The following ATP8A1 variants were observed in gnomAD, a reference collection of about 807,000 sequenced individuals.
ATP8A1 encodes the protein phospholipid-transporting ATPase IA.
ATP8A1 carries 90 observed loss-of-function variants against 177.7 expected under a neutral mutation model. The ratio of observed to expected loss-of-function variants is 0.51; its 90% CI spans 0.43 to 0.60. ATP8A1 has a LOEUF of 0.60. Among genes scored for constraint, ATP8A1 ranks in the 20% least tolerant of loss-of-function variants. The pLI, the probability that ATP8A1 is intolerant of heterozygous loss-of-function variation, is 0.00. For missense variants in ATP8A1, 1,072 were observed against 1,392.8 expected, an observed-to-expected ratio of 0.77 and a Z score of 3.67; for synonymous variants, 493 against 485.9, an observed-to-expected ratio of 1.01 and a Z score of -0.19.
At chr4:42,446,524 T>C in intron 31 of ATP8A1, 59 bp downstream of exon 31, 1 of 1,517,824 alleles carries the variant, frequency 6.6e-7, no homozygotes, top group Non-Finnish European at 9.1e-7. Flanking sequence ...AAAAATAAAA[T>C]GAGGACAGAT....
At chr4:42,550,886 AT>A (rs1326486318) in intron 18 of ATP8A1, among the ~76,000 whole-genome samples, 1 of 152,228 alleles carries the variant, frequency 6.6e-6, no homozygotes, top group Non-Finnish European at 1.5e-5. Context: ...AAAAATTGGA[AT>A]AAAATCATAA....
intron 3 of ATP8A1, 93 bp from the exon 4 acceptor site, chr4:42,624,727 G>T: frequency 1.7e-6 from 1 of 589,902 alleles, no homozygotes; most frequent in Non-Finnish European, 2.8e-6. Flanking sequence ...TCTAAAATAT[G>T]CCTCACTGAT....
At chr4:42,468,972 T>A (rs75279005) in intron 25 of ATP8A1, among the ~76,000 whole-genome samples, 1 of 152,032 alleles carries the variant, frequency 6.6e-6, no homozygotes. Flanking sequence ...CAAACTGTGA[T>A]GCAGGTCAAA....
Position 42,590,828 on chromosome 4 carries a change from G to C in ATP8A1, c.507C>G (p.Leu169=). Residue 169 remains leucine, a synonymous_variant, in exon 7 of 37, where the codon CTC becomes CTG. Coordinates refer to ENST00000381668, the MANE Select transcript of ATP8A1 (RefSeq NM_006095.2). ...VTNGEHLPAD[L]ISLSSSEPQA... is the part of the protein sequence containing the mutation. ...GTTCTAACCTTGAGGACAGACTGAT[G>C]AGATCTGCTGGGAGATGTTCCCCAT... The C allele has an allele frequency of 6.2e-7, 1 of 1,613,548 alleles. No homozygotes were observed. Among genetic ancestry groups the C allele is most frequent in the Non-Finnish European group, 8.5e-7 (1 of 1,179,874 alleles).
intron 27 of ATP8A1, among the ~76,000 whole-genome samples, chr4:42,464,021 C>T (rs926248571): frequency 6.6e-6 from 1 of 152,074 alleles, no homozygotes; most frequent in African/African-American, 2.4e-5. Flanking sequence ...CATTCCCTCA[C>T]CTTTTTTAAA....
At chr4:42,638,364 A>G (rs1334423357) in intron 1 of ATP8A1, among the ~76,000 whole-genome samples, 4 of 152,224 alleles carry the variant, frequency 2.6e-5, no homozygotes, top group Non-Finnish European at 5.9e-5. Flanking sequence ...CTAAATTGCG[A>G]CAAGCCCCTG....
At chr4:42,600,206 T>C (rs1485228538) in intron 6 of ATP8A1, among the ~76,000 whole-genome samples, 1 of 152,126 alleles carries the variant, frequency 6.6e-6, no homozygotes, top group East Asian at 1.9e-4. Context: ...CACAAAACAG[T>C]TCATGGTTAA....
rs369420258 is a variant in ATP8A1 at position 42,610,582 on chromosome 4, C to CAA, written c.409+5449_409+5450dup. On this transcript the variant is annotated intron_variant, in intron 5 of 36. Transcript: ENST00000381668. The stretch of plus-strand genomic sequence containing the variant: ...TCAATGGGTTTTGCTCCTTTGTGTG[C>CAA]AAAAAAAAAAAAAAAAGTGAAAGAC... 1.5e-3 allele frequency among the ~76,000 whole-genome samples: 194 copies of CAA among 127,686 alleles called. 2 individuals carry two copies. Among genetic ancestry groups the CAA allele is most frequent in the South Asian group, 6.9e-3 (29 of 4,196 alleles). The allele number at this position is 127,686 out of a possible 152,430, so 83.8% of individuals were successfully genotyped here. A position where few individuals can be genotyped will look rare whatever the true frequency, so the allele number is the denominator to read the frequency against.
intron 6 of ATP8A1, among the ~76,000 whole-genome samples, chr4:42,600,132 A>G (rs1560504421): frequency 3.4e-5 from 2 of 59,130 alleles, no homozygotes; most frequent in Admixed American, 2.5e-4. Flanking sequence ...GCAGAAGTAA[A>G]ACATCAGAAC....
intron 9 of ATP8A1, among the ~76,000 whole-genome samples, chr4:42,582,042 C>T (rs188395060): frequency 2.3e-4 from 35 of 152,204 alleles, no homozygotes; most frequent in African/African-American, 7.9e-4. Flanking sequence ...AATGACCCTT[C>T]GGGAGCTAAT....
chr4:42,600,393 G>T, intron 6 of ATP8A1, 85 bp downstream of exon 6: 1 of 1,041,742 alleles, frequency 9.6e-7, no homozygotes, highest in Non-Finnish European at 1.3e-6. Flanking sequence ...CTTCACATTT[G>T]CTCATATTAT....
chr4:42,644,867 G>C (rs1278109214), intron 1 of ATP8A1, among the ~76,000 whole-genome samples: 1 of 151,550 alleles, frequency 6.6e-6, no homozygotes, highest in East Asian at 1.9e-4. Flanking sequence ...AATAAATCTA[G>C]ACTGACGAAA....
intron 25 of ATP8A1, among the ~76,000 whole-genome samples, chr4:42,475,810 G>GA (rs1721001516): frequency 4.6e-5 from 7 of 152,092 alleles, no homozygotes; most frequent in Non-Finnish European, 7.4e-5. Flanking sequence ...GGCCGAGGTG[G>GA]GTAGATCACC....
chr4:42,600,328 A>T, intron 6 of ATP8A1, 150 bp downstream of exon 6: 2 of 468,664 alleles, frequency 4.3e-6, no homozygotes, highest in Non-Finnish European at 7.4e-6. Flanking sequence ...AATGAATGTG[A>T]CTGAAGATGC....
chr4:42,414,479 T>G, intron 36 of ATP8A1, 148 bp downstream of exon 36: 1 of 629,824 alleles, frequency 1.6e-6, no homozygotes, highest in Non-Finnish European at 2.7e-6. Context: ...GACCAATGGA[T>G]TTTCTGTTAT....
chr4:42,541,967 T>C (rs1410521365), intron 20 of ATP8A1, among the ~76,000 whole-genome samples: 1 of 152,174 alleles, frequency 6.6e-6, no homozygotes, highest in Non-Finnish European at 1.5e-5. Flanking sequence ...CACTACACAT[T>C]TATCCAAACC....
rs907820286 is a variant in ATP8A1 at position 42,411,479 on chromosome 4, G to C, written c.*1437C>G. 3 of 152,286 alleles carry C rather than the reference G, an allele frequency of 2.0e-5. No homozygotes were observed. The highest frequency in any genetic ancestry group is 3.4e-3 in the Middle Eastern group (1 of 294). The allele number at this position is 152,286 out of a possible 1,614,324, so 9.4% of individuals were successfully genotyped here. On this transcript the variant is annotated 3_prime_UTR_variant, in exon 37 of 37. Transcript: ENST00000381668. ...AGGCAAATAGTTTGCTTCAATCTCTGAAGTGTATCTGAAAACTAATTCCTT... is the reference window on the plus strand; with the variant it reads ...AGGCAAATAGTTTGCTTCAATCTCTCAAGTGTATCTGAAAACTAATTCCTT...
intron 22 of ATP8A1, among the ~76,000 whole-genome samples, chr4:42,510,525 G>GT (rs11361444): frequency 9.8e-4 from 144 of 146,382 alleles, no homozygotes; most frequent in African/African-American, 8.8e-4. Flanking sequence ...AAGGCATAAG[G>GT]TTTTTTTTTT....
At chr4:42,633,135 T>C (rs1190304944) in intron 1 of ATP8A1, among the ~76,000 whole-genome samples, 1 of 152,198 alleles carries the variant, frequency 6.6e-6, no homozygotes, top group African/African-American at 2.4e-5. Flanking sequence ...TCAACATCCA[T>C]ATTTGAAAAG....
Sources: gnomAD v4.1 joint callset for allele counts (sites outside exome capture counted in the v4.1 genomes callset) on GRCh38, gnomAD v4.1.1 for gene constraint, MANE v1.5 for transcripts, NCBI Gene and HGNC (gene_info 2026-07-23, HGNC 2026-07-21) for gene names.